Variants in CDKN2B-AS1 observed in about 807,000 individuals in gnomAD.
The protein encoded by CDKN2B-AS1 is CDKN2B and CDKN2A antisense cis and trans regulatory RNA 1.
chr9:22,081,275 C>G (rs1463188625), intron 4 of CDKN2B-AS1, among the ~76,000 whole-genome samples: 1 of 124,516 alleles, frequency 8.0e-6, no homozygotes, highest in Non-Finnish European at 1.7e-5. Flanking sequence ...TGTTCTTTAG[C>G]TTTTTTTTTT....
intron 1 of CDKN2B-AS1, among the ~76,000 whole-genome samples, chr9:22,020,277 G>A (rs868688620): frequency 6.6e-6 from 1 of 152,148 alleles, no homozygotes; most frequent in Non-Finnish European, 1.5e-5. Context: ...GTCTATCACT[G>A]ATGGGCATTT....
chr9:22,013,283 G>T (rs1269719368), intron 1 of CDKN2B-AS1, among the ~76,000 whole-genome samples: 1 of 152,106 alleles, frequency 6.6e-6, no homozygotes, highest in Non-Finnish European at 1.5e-5. Context: ...AAATTTAGAG[G>T]TGACAGAATT....
At chr9:22,054,038 C>T (rs537269946) in intron 3 of CDKN2B-AS1, among the ~76,000 whole-genome samples, 6 of 152,236 alleles carry the variant, frequency 3.9e-5, no homozygotes, top group Admixed American at 2.0e-4. Context: ...GGGTCCTAAT[C>T]TGCAAAACGG....
chr9:22,061,049 T>C (rs1823798219), intron 4 of CDKN2B-AS1, among the ~76,000 whole-genome samples: 1 of 152,186 alleles, frequency 6.6e-6, no homozygotes, highest in East Asian at 1.9e-4. Flanking sequence ...AACAAACTTT[T>C]GAGAATCTTG....
At chr9:22,022,744 G>A (rs1822066068) in intron 1 of CDKN2B-AS1, among the ~76,000 whole-genome samples, 2 of 152,152 alleles carry the variant, frequency 1.3e-5, no homozygotes, top group Admixed American at 1.3e-4. Flanking sequence ...ACTTCAGTGT[G>A]TTTTTATAGT....
chr9:22,059,536 C>G (rs572687443), intron 4 of CDKN2B-AS1, among the ~76,000 whole-genome samples: 1 of 152,164 alleles, frequency 6.6e-6, no homozygotes, highest in African/African-American at 2.4e-5. Context: ...TCTGCTTTCA[C>G]CGGCTGGTGT....
At chr9:22,027,081 T>A (rs1159913796) in intron 1 of CDKN2B-AS1, among the ~76,000 whole-genome samples, 1 of 152,004 alleles carries the variant, frequency 6.6e-6, no homozygotes, top group Non-Finnish European at 1.5e-5. Context: ...GAAGGTGCTA[T>A]ATTTAGTCAC....
rs1403587503 is a variant in CDKN2B-AS1, at chr9:22,000,905, C to A, written n.29+5744C>A. Among the ~76,000 whole-genome samples, 2 of 152,138 alleles carry A rather than the reference C, an allele frequency of 1.3e-5. No homozygotes were observed. The highest frequency in any genetic ancestry group is 2.9e-5 in the Non-Finnish European group (2 of 68,010). ...CATTGAGAGCTACCTAAATACCAGA[C>A]ACTCATTCTTGGTCCTGACTCCTAC... is the stretch of plus-strand genomic sequence containing the variant. On this transcript the variant is annotated intron_variant and non_coding_transcript_variant, in intron 1 of 4. Transcript: ENST00000650946. The surrounding 1 kb of genome is among the most constrained non-coding windows in gnomAD (Gnocchi z 4.1).
At chr9:22,126,774 A>G (rs571913627) in intron 4 of CDKN2B-AS1, among the ~76,000 whole-genome samples, 8 of 152,086 alleles carry the variant, frequency 5.3e-5, no homozygotes, top group South Asian at 2.1e-4. Flanking sequence ...GGGTTTCACC[A>G]TGTTAGCCAG....
intron 1 of CDKN2B-AS1, among the ~76,000 whole-genome samples, chr9:22,016,726 G>A (rs942561274): frequency 2.0e-5 from 3 of 152,116 alleles, no homozygotes; most frequent in Non-Finnish European, 4.4e-5. Context: ...AAATGGTGCT[G>A]GGAAAACTGG....
chr9:22,103,454 A>G (rs1351520053), intron 4 of CDKN2B-AS1, among the ~76,000 whole-genome samples: 2 of 152,118 alleles, frequency 1.3e-5, no homozygotes, highest in Admixed American at 1.3e-4. Flanking sequence ...GCATTCCTGC[A>G]TGCTGACATC....
chr9:22,041,482 T>C (rs903149639), intron 1 of CDKN2B-AS1, among the ~76,000 whole-genome samples: 5 of 152,066 alleles, frequency 3.3e-5, no homozygotes, highest in Non-Finnish European at 5.9e-5. Flanking sequence ...ATATGCATAA[T>C]AACCCTGAGA....
intron 4 of CDKN2B-AS1, among the ~76,000 whole-genome samples, chr9:22,078,224 T>A (rs1824569912): frequency 6.6e-6 from 1 of 152,204 alleles, no homozygotes; most frequent in African/African-American, 2.4e-5. Context: ...ATGCTATCCT[T>A]CTATTAATGC....
At chr9:22,071,820 A>C (rs1334168778) in intron 4 of CDKN2B-AS1, among the ~76,000 whole-genome samples, 1 of 152,226 alleles carries the variant, frequency 6.6e-6, no homozygotes, top group African/African-American at 2.4e-5. Flanking sequence ...GTAAAAGTGA[A>C]TAGTTACTTC....
chr9:22,031,377 T>G (rs1822462014), intron 1 of CDKN2B-AS1, among the ~76,000 whole-genome samples: 1 of 152,210 alleles, frequency 6.6e-6, no homozygotes, highest in African/African-American at 2.4e-5. Context: ...CTCATTAGTT[T>G]TTATAATAGT....
intron 1 of CDKN2B-AS1, among the ~76,000 whole-genome samples, chr9:22,018,947 G>C (rs921733596): frequency 8.5e-5 from 13 of 152,182 alleles, no homozygotes; most frequent in African/African-American, 3.1e-4. Context: ...TGGTGGTTGA[G>C]GGAATCAAGA....
intron 1 of CDKN2B-AS1, chr9:22,009,266 G>A (rs978239428): frequency 2.9e-5 from 15 of 519,112 alleles, no homozygotes; most frequent in Admixed American, 2.1e-4. Flanking sequence ...GTGCGGACGC[G>A]TCGCGGAGTC....
chr9:22,015,984 T>G (rs1427721759), intron 1 of CDKN2B-AS1, among the ~76,000 whole-genome samples: 2 of 152,224 alleles, frequency 1.3e-5, no homozygotes, highest in Non-Finnish European at 2.9e-5. Flanking sequence ...CATTGTAGAT[T>G]CTGGATATTA....
At position 22,006,945 on chromosome 9, in the gene CDKN2B-AS1, A is replaced by G. The variant is rs1222975624; in HGVS notation, n.29+11784A>G. 6.6e-6 allele frequency among the ~76,000 whole-genome samples: 1 copy of G among 152,098 alleles called. No individual in the cohort carries two copies. The highest frequency in any genetic ancestry group is 1.5e-5 in the Non-Finnish European group (1 of 68,038). On this transcript the variant is annotated intron_variant and non_coding_transcript_variant, in intron 1 of 4. Transcript: ENST00000650946. The surrounding 1 kb of genome is among the most constrained non-coding windows in gnomAD (Gnocchi z 6.4). Reference sequence around the variant, plus strand: ...ATAAATGATTTTTCCTTAACAGTTCATCATTTTAAATTTAGACTATAATAT... The same window carrying G: ...ATAAATGATTTTTCCTTAACAGTTCGTCATTTTAAATTTAGACTATAATAT...
Sources: gnomAD v4.1 joint callset for allele counts (sites outside exome capture counted in the v4.1 genomes callset) on GRCh38, gnomAD v4.1.1 for gene constraint, Gnocchi (gnomAD v3.1) non-coding constraint, MANE v1.5 for transcripts, NCBI Gene and HGNC (gene_info 2026-07-23, HGNC 2026-07-21) for gene names.